CACNA1C: variants seen among roughly 807,000 people sequenced by gnomAD.
The protein encoded by CACNA1C is voltage-dependent L-type calcium channel subunit alpha-1C.
CACNA1C carries 30 observed loss-of-function variants against 229.0 expected under a neutral mutation model. The ratio of observed to expected loss-of-function variants is 0.13; its 90% CI spans 0.10 to 0.18. The LOEUF (loss-of-function observed/expected upper bound fraction) is 0.18. CACNA1C is among the 10% of genes least tolerant of loss of function. The pLI, the probability that CACNA1C is intolerant of heterozygous loss-of-function variation, is 1.00. For missense variants in CACNA1C, 1,658 were observed against 2,845.0 expected (o/e 0.58, Z 9.49); for synonymous variants, 1,114 against 1,132.5 (o/e 0.98, Z 0.33).
At chr12:2,552,391 T>C (rs1282669405) in intron 10 of CACNA1C, among the ~76,000 whole-genome samples, 1 of 152,226 alleles carries the variant, frequency 6.6e-6, no homozygotes, top group East Asian at 1.9e-4. Context: ...GTTTCTAATT[T>C]GGACTGGCAG....
In CACNA1C at chr12:2,152,211, A is replaced by T. The variant is rs2095317331; in HGVS notation, c.477+31781A>T. 6.6e-6 allele frequency among the ~76,000 whole-genome samples: 1 copy of T among 152,246 alleles called. No individual in the cohort carries two copies. Among genetic ancestry groups the T allele is most frequent in the African/African-American group, 2.4e-5 (1 of 41,456 alleles). ...GGCAAAGATGCCACTTGTGACAGAA[A>T]TGACTGTTACCCAGTGTCTGTTCTC... On this transcript the variant is annotated intron_variant, in intron 3 of 46. Transcript: ENST00000399655. The surrounding 1 kb of genome is among the most constrained non-coding windows in gnomAD (Gnocchi z 4.2).
intron 1 of CACNA1C, among the ~76,000 whole-genome samples, chr12:2,062,223 C>G (rs1297969523): frequency 6.6e-6 from 1 of 152,164 alleles, no homozygotes; most frequent in African/African-American, 2.4e-5. Context: ...GAGTAATAGC[C>G]ACCATTTATT....
At chr12:2,356,125 A>G (rs1432800698) in intron 3 of CACNA1C, among the ~76,000 whole-genome samples, 2 of 152,212 alleles carry the variant, frequency 1.3e-5, no homozygotes, top group South Asian at 2.1e-4. Flanking sequence ...AAATGCACCA[A>G]TTACCTGGTG....
At chr12:2,412,374 G>T (rs1042075291) in intron 3 of CACNA1C, among the ~76,000 whole-genome samples, 16 of 152,204 alleles carry the variant, frequency 1.1e-4, no homozygotes, top group Non-Finnish European at 7.3e-5. Flanking sequence ...TGCTCTTCAG[G>T]CCCTCCCTGG....
At chr12:2,175,870 G>A (rs1361752174) in intron 3 of CACNA1C, among the ~76,000 whole-genome samples, 1 of 152,170 alleles carries the variant, frequency 6.6e-6, no homozygotes, top group African/African-American at 2.4e-5. Flanking sequence ...AAGGAGGATA[G>A]GTCTTTAATT....
At chr12:2,652,657 C>T (rs903764792) in intron 32 of CACNA1C, among the ~76,000 whole-genome samples, 1 of 152,208 alleles carries the variant, frequency 6.6e-6, no homozygotes, top group Non-Finnish European at 1.5e-5. Context: ...ATGCCCGTCC[C>T]CGCTCTGCCC....
In CACNA1C at chr12:2,634,484, AT is replaced by A. The variant is rs59658684; in HGVS notation, c.3912+116del. On this transcript the variant is annotated intron_variant, in intron 30 of 46. Coordinates refer to ENST00000399655, the MANE Select transcript of CACNA1C (RefSeq NM_000719.7). The stretch of plus-strand genomic sequence containing the variant: ...TTTTATTTTCTCTCCCCACCTTCTT[AT>A]TTTTTTTTTTTAATTTGTTTGTTTG... The A allele has an allele frequency of 0.067, 19,759 of 293,354 alleles. 44 individuals are homozygous for A. The highest frequency in any genetic ancestry group is 0.068 in the Non-Finnish European group (11,256 of 164,458). 18.2% of individuals were successfully genotyped at this position (293,354 alleles called of 1,614,324 possible). A position where few individuals can be genotyped will look rare whatever the true frequency, so the allele number is the denominator to read the frequency against.
At chr12:2,659,746 C>G (rs2095608376) in intron 34 of CACNA1C, among the ~76,000 whole-genome samples, 1 of 151,934 alleles carries the variant, frequency 6.6e-6, no homozygotes, top group African/African-American at 2.4e-5. Flanking sequence ...TATCAATAAA[C>G]CCTAAAGCTG....
intron 3 of CACNA1C, among the ~76,000 whole-genome samples, chr12:2,273,837 G>T (rs1007224659): frequency 6.6e-6 from 1 of 152,224 alleles, no homozygotes; most frequent in African/African-American, 2.4e-5. Context: ...ACGGGAGGGG[G>T]TCAAGGAGGC....
In CACNA1C at chr12:2,697,939, T is replaced by A. The variant is rs2153906119; in HGVS notation, c.*6740T>A. 6.5e-6 allele frequency: 1 copy of A among 152,790 alleles called. No individual in the cohort carries two copies. Among genetic ancestry groups the A allele is most frequent in the Admixed American group, 6.5e-5 (1 of 15,306 alleles). 9.5% of individuals were successfully genotyped at this position (152,790 alleles called of 1,614,324 possible). A position where few individuals can be genotyped will look rare whatever the true frequency, so the allele number is the denominator to read the frequency against. ...AAATAAGAATTGCAAATAAATTTCT[T>A]AACAATGTCTACATTGACTTCATTG... On this transcript the variant is annotated 3_prime_UTR_variant, in exon 47 of 47. Coordinates refer to ENST00000399655, the MANE Select transcript of CACNA1C (RefSeq NM_000719.7).
chr12:2,550,164 A>C lies in CACNA1C; in HGVS notation c.1481+131A>C, dbSNP rs2099895277. 5.5e-6 allele frequency: 4 copies of C among 730,796 alleles called. No individual in the cohort carries two copies. The East Asian group carries it at 1.1e-4, about 20-fold the overall frequency. The allele number at this position is 730,796 out of a possible 1,614,324, so 45.3% of individuals were successfully genotyped here. On this transcript the variant is annotated intron_variant, in intron 10 of 46. Coordinates refer to ENST00000399655, the MANE Select transcript of CACNA1C (RefSeq NM_000719.7). Reference sequence around the variant, plus strand: ...AGATTAGAGCCGGTGGCAAGAAACAAACCTCAGGTGGGAACCAAGATGGGG... The same window carrying C: ...AGATTAGAGCCGGTGGCAAGAAACACACCTCAGGTGGGAACCAAGATGGGG...
At chr12:2,211,805 G>A (rs1317296068) in intron 3 of CACNA1C, among the ~76,000 whole-genome samples, 3 of 140,362 alleles carry the variant, frequency 2.1e-5, no homozygotes, top group African/African-American at 8.0e-5. Context: ...TGCAACCTCC[G>A]CCTTCCAGGT....
At chr12:2,565,256 C>T (rs1242070847) in intron 11 of CACNA1C, among the ~76,000 whole-genome samples, 4 of 151,784 alleles carry the variant, frequency 2.6e-5, no homozygotes, top group Admixed American at 2.0e-4. Context: ...ATCATGAGGT[C>T]AGGAGATCGA....
intron 3 of CACNA1C, among the ~76,000 whole-genome samples, chr12:2,283,271 T>G (rs1314867202): frequency 6.6e-6 from 1 of 152,156 alleles, no homozygotes; most frequent in Non-Finnish European, 1.5e-5. Context: ...ACAATCCAAT[T>G]AACTAGCTAC....
chr12:2,323,031 T>C (rs542357979), intron 3 of CACNA1C, among the ~76,000 whole-genome samples: 32 of 152,276 alleles, frequency 2.1e-4, no homozygotes, highest in African/African-American at 7.7e-4. Flanking sequence ...TCTTGTCCTC[T>C]CCATTTACCT....
At chr12:2,451,856 C>CTCG (rs2099380247) in intron 4 of CACNA1C, among the ~76,000 whole-genome samples, 1 of 152,228 alleles carries the variant, frequency 6.6e-6, no homozygotes, top group Admixed American at 6.5e-5. Context: ...AGTTGCCCAG[C>CTCG]TCGTGGTTGG....
intron 3 of CACNA1C, among the ~76,000 whole-genome samples, chr12:2,404,938 C>T (rs2098719640): frequency 6.6e-6 from 1 of 152,146 alleles, no homozygotes; most frequent in African/African-American, 2.4e-5. Flanking sequence ...TGGAGCAGTG[C>T]ACAGGACATA....
intron 3 of CACNA1C, among the ~76,000 whole-genome samples, chr12:2,315,281 T>C (rs1416198563): frequency 6.6e-6 from 1 of 152,244 alleles, no homozygotes; most frequent in Non-Finnish European, 1.5e-5. Flanking sequence ...CTGACATTCA[T>C]TGATGGATAT....
chr12:2,565,507 C>G (rs1200338572), intron 11 of CACNA1C, among the ~76,000 whole-genome samples: 1 of 150,916 alleles, frequency 6.6e-6, no homozygotes, highest in Non-Finnish European at 1.5e-5. Context: ...TACCCAACCC[C>G]TAGAGAATCA....
Sources: gnomAD v4.1 joint callset for allele counts (sites outside exome capture counted in the v4.1 genomes callset) on GRCh38, gnomAD v4.1.1 for gene constraint, Gnocchi (gnomAD v3.1) non-coding constraint, MANE v1.5 for transcripts, NCBI Gene and HGNC (gene_info 2026-07-23, HGNC 2026-07-21) for gene names.